Variants in FBXL20 observed in about 807,000 individuals in gnomAD.
FBXL20 encodes F-box/LRR-repeat protein 20.
FBXL20 carries 11 observed loss-of-function variants against 64.0 expected under a neutral mutation model. The observed-to-expected ratio is 0.17, with a 90% CI of 0.11 to 0.28. The LOEUF is 0.28. Among genes scored for constraint, FBXL20 ranks in the 10% least tolerant of loss-of-function variants. The pLI, the probability that FBXL20 is intolerant of heterozygous loss-of-function variation, is 1.00. For missense variants in FBXL20, 303 were observed against 526.2 expected, an observed-to-expected ratio of 0.58 and a Z score of 4.15; for synonymous variants, 184 against 189.0, an observed-to-expected ratio of 0.97 and a Z score of 0.22.
chr17:39,363,827 C>CAAAAAAAAA (rs1555612706), intron 1 of FBXL20, among the ~76,000 whole-genome samples: 3 of 78,002 alleles, frequency 3.8e-5, no homozygotes, highest in African/African-American at 1.1e-4. Context: ...AAAAAAAAAA[C>CAAAAAAAAA]AAAAAACAAA....
intron 2 of FBXL20, among the ~76,000 whole-genome samples, chr17:39,335,577 C>T (rs529234911): frequency 8.4e-4 from 92 of 109,398 alleles, no homozygotes; most frequent in African/African-American, 3.7e-3. Flanking sequence ...AGTGAGACTC[C>T]GTCTCAAAAA....
At chr17:39,290,047 A>G (rs2047024812) in intron 6 of FBXL20, among the ~76,000 whole-genome samples, 1 of 145,192 alleles carries the variant, frequency 6.9e-6, no homozygotes, top group South Asian at 2.2e-4. Context: ...TTATTTCTCT[A>G]TCATTTACTT....
intron 7 of FBXL20, among the ~76,000 whole-genome samples, chr17:39,283,380 G>C (rs771886899): frequency 1.3e-5 from 2 of 152,094 alleles, no homozygotes; most frequent in Non-Finnish European, 2.9e-5. Flanking sequence ...CAGTTCCTTT[G>C]AGTGTCACAT....
Position 39,381,030 on chromosome 17 carries a change from G to A in FBXL20, c.42+20331C>T, listed in dbSNP as rs149193985. On this transcript the variant is annotated intron_variant, in intron 1 of 14. Transcript: ENST00000264658. ...CAAAAACTAGCAGGGCGTGGTGGCA[G>A]GCACCTGTAATCCCAGCTAGTCAGG... 6.9e-3 allele frequency among the ~76,000 whole-genome samples: 1,055 copies of A among 152,066 alleles called. 7 individuals are homozygous for A. Among genetic ancestry groups the A allele is most frequent in the South Asian group, 0.011 (54 of 4,810 alleles).
chr17:39,337,518 C>T (rs879246300), intron 2 of FBXL20, among the ~76,000 whole-genome samples: 2 of 151,610 alleles, frequency 1.3e-5, no homozygotes, highest in East Asian at 1.9e-4. Context: ...TCTGCCCGGC[C>T]GCCCATCGTC....
chr17:39,389,947 G>A (rs1291064974), intron 1 of FBXL20, among the ~76,000 whole-genome samples: 2 of 152,202 alleles, frequency 1.3e-5, no homozygotes, highest in Non-Finnish European at 1.5e-5. Context: ...GCGGTTAAAA[G>A]CTTGCTGATC....
chr17:39,263,874 CTTTTT>C, intron 14 of FBXL20: 1 of 159,760 alleles, frequency 6.3e-6, no homozygotes, highest in Non-Finnish European at 1.2e-5. Context: ...GTGGCATGTG[CTTTTT>C]TTTTTTTTTT....
At chr17:39,356,809 C>T (rs928422140) in intron 1 of FBXL20, among the ~76,000 whole-genome samples, 2 of 143,804 alleles carry the variant, frequency 1.4e-5, no homozygotes, top group Admixed American at 7.0e-5. Context: ...GTGCGTGCCA[C>T]CACACCTGGC....
rs1272296586 is a variant in FBXL20 at position 39,256,081 on chromosome 17, G to A, written c.*5379C>T. On this transcript the variant is annotated 3_prime_UTR_variant, in exon 15 of 15. Transcript: ENST00000264658. ...TACACCTGTAATCCCAGCACTTTGGGAGGCCAAGGCAGGTGGACCACTTGA... is the reference window on the plus strand; with the variant it reads ...TACACCTGTAATCCCAGCACTTTGGAAGGCCAAGGCAGGTGGACCACTTGA... The A allele has an allele frequency of 6.6e-6, 1 of 152,138 alleles. No homozygotes were observed. Among genetic ancestry groups the A allele is most frequent in the African/African-American group, 2.4e-5 (1 of 41,430 alleles). 9.4% of individuals were successfully genotyped at this position (152,138 alleles called of 1,614,324 possible).
intron 3 of FBXL20, among the ~76,000 whole-genome samples, chr17:39,301,408 T>C (rs527889143): frequency 6.6e-6 from 1 of 151,992 alleles, no homozygotes; most frequent in Non-Finnish European, 1.5e-5. Flanking sequence ...CTGGGCAATA[T>C]AGCCAGACCC....
chr17:39,313,971 A>G (rs925477403), intron 2 of FBXL20, among the ~76,000 whole-genome samples: 2 of 152,174 alleles, frequency 1.3e-5, no homozygotes, highest in Non-Finnish European at 2.9e-5. Context: ...TTTAAAGTGC[A>G]TAATTCGGTG....
intron 2 of FBXL20, among the ~76,000 whole-genome samples, chr17:39,304,055 GT>G (rs10714826): frequency 0.21 from 32,454 of 151,912 alleles, 3,960 homozygotes; most frequent in African/African-American, 0.33. Context: ...CACAAAGGCA[GT>G]TCTTTAGAAG....
chr17:39,391,695 T>C (rs2048135172), intron 1 of FBXL20, among the ~76,000 whole-genome samples: 1 of 152,110 alleles, frequency 6.6e-6, no homozygotes, highest in Non-Finnish European at 1.5e-5. Flanking sequence ...CATCAAAAGA[T>C]ATAGATGATC....
intron 1 of FBXL20, among the ~76,000 whole-genome samples, chr17:39,368,421 AAAAG>A (rs2047882563): frequency 1.3e-5 from 2 of 152,104 alleles, no homozygotes; most frequent in Non-Finnish European, 1.5e-5. Context: ...TTAAGAATGA[AAAAG>A]AAAGACATTT....
intron 2 of FBXL20, among the ~76,000 whole-genome samples, chr17:39,323,771 C>A (rs562720124): frequency 6.9e-6 from 1 of 144,622 alleles, no homozygotes; most frequent in African/African-American, 2.7e-5. Flanking sequence ...TAGTATACTT[C>A]TGTTTTCTTT....
intron 1 of FBXL20, among the ~76,000 whole-genome samples, chr17:39,344,558 G>T (rs1157676057): frequency 6.6e-6 from 1 of 151,890 alleles, no homozygotes; most frequent in Admixed American, 6.6e-5. Flanking sequence ...GGCTGAGGTG[G>T]GTGGATCACC....
intron 2 of FBXL20, among the ~76,000 whole-genome samples, chr17:39,337,637 C>G: frequency 6.6e-6 from 1 of 151,704 alleles, no homozygotes; most frequent in African/African-American, 2.4e-5. Flanking sequence ...GCCCGGCCGC[C>G]CCGTCTGAGA....
At chr17:39,275,256 C>T (rs767533799) in intron 9 of FBXL20, among the ~76,000 whole-genome samples, 156 bp from the exon 10 acceptor site, 14 of 152,092 alleles carry the variant, frequency 9.2e-5, no homozygotes, top group Non-Finnish European at 1.6e-4. Context: ...AATGAACACA[C>T]GTTGTTTCTT....
chr17:39,383,684 G>A (rs2048048782), intron 1 of FBXL20, among the ~76,000 whole-genome samples: 1 of 150,254 alleles, frequency 6.7e-6, no homozygotes, highest in Non-Finnish European at 1.5e-5. Context: ...CCGCCTCCCA[G>A]GTTCAAGCAA....
Sources: gnomAD v4.1 joint callset for allele counts (sites outside exome capture counted in the v4.1 genomes callset) on GRCh38, gnomAD v4.1.1 for gene constraint, MANE v1.5 for transcripts, NCBI Gene and HGNC (gene_info 2026-07-23, HGNC 2026-07-21) for gene names.